NUTF2: variants seen among roughly 807,000 people sequenced by gnomAD.
NUTF2 encodes placental protein 15.
NUTF2 carries 3 observed loss-of-function variants against 18.5 expected under a neutral mutation model. The observed-to-expected ratio is 0.16, with a 90% confidence interval of 0.07 to 0.42. The LOEUF (loss-of-function observed/expected upper bound fraction) is 0.42, where lower values mean the gene tolerates loss of function less well. Among genes scored for constraint, NUTF2 ranks in the 10% least tolerant of loss-of-function variants. The probability of loss-of-function intolerance (pLI) is 0.99; values close to 1 mark genes in which losing one functional copy is unlikely to be tolerated. For missense variants in NUTF2, 44 were observed against 160.7 expected (o/e 0.27, Z 3.93); for synonymous variants, 51 against 57.9 (o/e 0.88, Z 0.54).
At chr16:67,854,126 T>C (rs1339415578) in intron 1 of NUTF2, among the ~76,000 whole-genome samples, 15 of 152,248 alleles carry the variant, frequency 9.9e-5, no homozygotes, top group Non-Finnish European at 1.5e-5. Flanking sequence ...AAATTTTGTA[T>C]TTTTAGTAAA....
chr16:67,859,660 A>G (rs2057921530), intron 1 of NUTF2, among the ~76,000 whole-genome samples: 1 of 149,156 alleles, frequency 6.7e-6, no homozygotes, highest in African/African-American at 2.5e-5. Flanking sequence ...GCCTGACCTG[A>G]TTTTTGTATT....
intron 1 of NUTF2, chr16:67,856,038 G>A (rs781522636): frequency 4.9e-5 from 39 of 799,740 alleles, no homozygotes; most frequent in Admixed American, 7.3e-5. Flanking sequence ...CTCAGGGGCC[G>A]GCACTCACCC....
intron 1 of NUTF2, among the ~76,000 whole-genome samples, chr16:67,851,395 C>G (rs2057856424): frequency 6.6e-6 from 1 of 151,106 alleles, no homozygotes; most frequent in Admixed American, 6.6e-5. Flanking sequence ...GCAGGAGAAT[C>G]GCTTGAACCA....
At position 67,856,096 on chromosome 16, in the gene NUTF2, G is replaced by T. The variant is rs889592168; in HGVS notation, c.-29-9006G>T. 14 of 550,422 alleles carry T rather than the reference G, an allele frequency of 2.5e-5. No individual in the cohort carries two copies. The Admixed American group carries it at 3.7e-4, about 15-fold the overall frequency. 34.1% of individuals were successfully genotyped at this position (550,422 alleles called of 1,614,324 possible). A position where few individuals can be genotyped will look rare whatever the true frequency, so the allele number is the denominator to read the frequency against. On this transcript the variant is annotated intron_variant, in intron 1 of 4. Coordinates refer to ENST00000219169, the MANE Select transcript of NUTF2 (RefSeq NM_005796.3). ...GGACGTCCCTGAAGAAGGTGGACAGGTGTATGGACATGTTCTTGTAACACC... is the reference window on the plus strand; with the variant it reads ...GGACGTCCCTGAAGAAGGTGGACAGTTGTATGGACATGTTCTTGTAACACC...
chr16:67,858,295 G>A (rs1407598070), intron 1 of NUTF2, among the ~76,000 whole-genome samples: 2 of 152,160 alleles, frequency 1.3e-5, no homozygotes, highest in East Asian at 3.8e-4. Flanking sequence ...AGCCTCCCGA[G>A]TAGCTGGGAC....
intron 1 of NUTF2, among the ~76,000 whole-genome samples, chr16:67,856,495 T>C (rs1364092991): frequency 1.3e-5 from 2 of 150,214 alleles, no homozygotes; most frequent in Non-Finnish European, 3.0e-5. Flanking sequence ...TGGCCCAGTT[T>C]TTTTTTTTTT....
At position 67,871,021 on chromosome 16, in the gene NUTF2, G is replaced by A. The variant is rs1475346560; in HGVS notation, c.*108G>A. On this transcript the variant is annotated 3_prime_UTR_variant, in exon 5 of 5. Transcript: ENST00000219169. ...ATCATGCACAAATGAGCAGGGCCGC[G>A]GTGGGAGTGGGCGCAGTGCGCTGCT... 8 of 799,078 alleles carry A rather than the reference G, an allele frequency of 1.0e-5. No homozygotes were observed. Among genetic ancestry groups the A allele is most frequent in the Non-Finnish European group, 1.5e-5 (7 of 477,108 alleles). 49.5% of individuals were successfully genotyped at this position (799,078 alleles called of 1,614,324 possible).
chr16:67,851,532 G>A (rs1233685965), intron 1 of NUTF2, among the ~76,000 whole-genome samples: 2 of 151,990 alleles, frequency 1.3e-5, no homozygotes, highest in Non-Finnish European at 2.9e-5. Context: ...TATACTTTAA[G>A]TTCTAGGGTA....
At chr16:67,852,064 A>G (rs943952277) in intron 1 of NUTF2, among the ~76,000 whole-genome samples, 2 of 152,076 alleles carry the variant, frequency 1.3e-5, no homozygotes, top group Non-Finnish European at 2.9e-5. Context: ...CAAAAATTCT[A>G]GGATTCAGCA....
At chr16:67,865,049 T>G (rs949778551) in intron 1 of NUTF2, 53 bp from the exon 2 acceptor site, 130 of 878,152 alleles carry the variant, frequency 1.5e-4, no homozygotes, top group Admixed American at 4.0e-5. Context: ...CAGTGGCTGG[T>G]CACCTACTCT....
At chr16:67,855,686 T>A (rs1423476679) in intron 1 of NUTF2, among the ~76,000 whole-genome samples, 1 of 152,170 alleles carries the variant, frequency 6.6e-6, no homozygotes, top group Non-Finnish European at 1.5e-5. Context: ...GAAAGAGCTC[T>A]GTGTGGAGAT....
At chr16:67,855,884 T>TGGGG (rs1437648863) in intron 1 of NUTF2, 1 of 291,162 alleles carries the variant, frequency 3.4e-6, no homozygotes, top group Non-Finnish European at 6.0e-6. Flanking sequence ...GATTTTTTTT[T>TGGGG]GGCGGGGGGG....
At chr16:67,855,987 C>G (rs2057893953) in intron 1 of NUTF2, 2 of 1,225,034 alleles carry the variant, frequency 1.6e-6, no homozygotes, top group Non-Finnish European at 2.4e-6. Flanking sequence ...TTGGTGCCAG[C>G]GGCCTTGGTG....
intron 1 of NUTF2, among the ~76,000 whole-genome samples, chr16:67,859,588 C>T (rs905893682): frequency 1.3e-5 from 2 of 151,842 alleles, no homozygotes; most frequent in African/African-American, 2.4e-5. Flanking sequence ...GAACTCTCGA[C>T]CTCAGGTGAT....
chr16:67,860,014 G>C (rs1306084514), intron 1 of NUTF2, among the ~76,000 whole-genome samples: 2 of 149,434 alleles, frequency 1.3e-5, no homozygotes, highest in Non-Finnish European at 3.0e-5. Flanking sequence ...GAGTCTGGCT[G>C]TGTTGCCCAG....
intron 1 of NUTF2, among the ~76,000 whole-genome samples, chr16:67,860,334 G>A (rs892244276): frequency 1.3e-5 from 2 of 152,100 alleles, no homozygotes; most frequent in Non-Finnish European, 2.9e-5. Context: ...GATTGCAGTG[G>A]TAAGTTCACA....
chr16:67,855,169 G>A (rs1475484734), intron 1 of NUTF2, among the ~76,000 whole-genome samples: 1 of 152,080 alleles, frequency 6.6e-6, no homozygotes, highest in Non-Finnish European at 1.5e-5. Flanking sequence ...TCCCTCCCTC[G>A]GGGAGCCAGC....
intron 1 of NUTF2, 110 bp downstream of exon 1, chr16:67,847,095 C>G (rs904479667): frequency 3.3e-5 from 5 of 150,134 alleles, no homozygotes; most frequent in South Asian, 2.1e-4. Flanking sequence ...CCCTCCCCCC[C>G]CCCCGGCGGC....
intron 1 of NUTF2, among the ~76,000 whole-genome samples, chr16:67,854,011 C>T (rs553786078): frequency 6.6e-6 from 1 of 152,256 alleles, no homozygotes; most frequent in South Asian, 2.1e-4. Flanking sequence ...AGTGCAGTAG[C>T]ATGATCTCAG....
Sources: allele counts gnomAD v4.1 joint callset (sites outside exome capture counted in the v4.1 genomes callset), GRCh38; gene constraint gnomAD v4.1.1; transcripts MANE v1.5; gene names NCBI Gene and HGNC (gene_info 2026-07-23, HGNC 2026-07-21).